Variants in CACNA1C observed in about 807,000 individuals in gnomAD.
The protein encoded by CACNA1C is calcium voltage-gated channel subunit alpha1 C, also known as voltage-dependent L-type calcium channel subunit alpha-1C.
A neutral mutation model predicts 229.0 loss-of-function variants in CACNA1C; 30 were observed. The ratio of observed to expected loss-of-function variants is 0.13; its 90% confidence interval spans 0.10 to 0.18. The LOEUF (loss-of-function observed/expected upper bound fraction) is 0.18. Among genes scored for constraint, CACNA1C ranks in the 10% least tolerant of loss-of-function variants. CACNA1C has a pLI of 1.00. For missense variants in CACNA1C, 1,658 were observed against 2,845.0 expected (o/e 0.58, Z 9.49); for synonymous variants, 1,114 against 1,132.5 (o/e 0.98, Z 0.33).
chr12:2,234,714 T>C (rs1300329439), intron 3 of CACNA1C, among the ~76,000 whole-genome samples: 4 of 152,140 alleles, frequency 2.6e-5, no homozygotes, highest in Non-Finnish European at 4.4e-5. Flanking sequence ...CAGCCTCGTA[T>C]GTCCCATCCT....
chr12:2,677,710 A>T lies in CACNA1C; in HGVS notation c.4957-23A>T. ...TTGGAGGAAAGGGAGCGTGGTCCTC[A>T]CCATCCTCCCCTTGGATTCCAGGCT... is the stretch of plus-strand genomic sequence containing the variant. On this transcript the variant is annotated intron_variant, in intron 40 of 46. Coordinates refer to ENST00000399655, the MANE Select transcript of CACNA1C (RefSeq NM_000719.7). The surrounding 1 kb of genome is among the most constrained non-coding windows in gnomAD (Gnocchi z 7.4). The T allele has an allele frequency of 6.2e-7, 1 of 1,608,624 alleles. No individual in the cohort carries two copies. Among genetic ancestry groups the T allele is most frequent in the African/African-American group, 1.3e-5 (1 of 74,850 alleles).
intron 29 of CACNA1C, among the ~76,000 whole-genome samples, chr12:2,623,837 C>A (rs2084753147): frequency 1.3e-5 from 2 of 152,206 alleles, no homozygotes; most frequent in African/African-American, 4.8e-5. Flanking sequence ...AAGGACACCC[C>A]CTTCAGTTCT....
At chr12:2,216,435 G>A (rs1278586380) in intron 3 of CACNA1C, among the ~76,000 whole-genome samples, 1 of 152,208 alleles carries the variant, frequency 6.6e-6, no homozygotes, top group African/African-American at 2.4e-5. Flanking sequence ...AGGTAAGGCC[G>A]TGGAGCGAAT....
At chr12:2,550,677 C>A in intron 10 of CACNA1C, 2 of 1,340,374 alleles carry the variant, frequency 1.5e-6, no homozygotes, top group South Asian at 2.3e-5. Flanking sequence ...CAATGCATTT[C>A]TGAATTGCTC....
intron 3 of CACNA1C, among the ~76,000 whole-genome samples, chr12:2,204,002 A>G (rs1470832497): frequency 6.6e-6 from 1 of 152,208 alleles, no homozygotes; most frequent in Non-Finnish European, 1.5e-5. Flanking sequence ...CAACAATGTG[A>G]TGAGTTAGGA....
At chr12:2,297,466 A>T (rs2094151776) in intron 3 of CACNA1C, among the ~76,000 whole-genome samples, 2 of 152,224 alleles carry the variant, frequency 1.3e-5, no homozygotes, top group African/African-American at 4.8e-5. Context: ...ATTTGTCAAG[A>T]GACAATGGGT....
intron 3 of CACNA1C, among the ~76,000 whole-genome samples, chr12:2,233,433 A>G (rs1388585071): frequency 1.3e-5 from 2 of 152,128 alleles, no homozygotes; most frequent in African/African-American, 4.8e-5. Flanking sequence ...ACAAGTTTAT[A>G]CTATAGTTTC....
At chr12:2,681,870 G>A (rs1263884069) in intron 42 of CACNA1C, 3 of 814,572 alleles carry the variant, frequency 3.7e-6, no homozygotes, top group Non-Finnish European at 6.5e-6. Context: ...AAGACAAAGG[G>A]AGGCACTGAG....
At chr12:2,125,303 A>G (rs1224838165) in intron 3 of CACNA1C, among the ~76,000 whole-genome samples, 1 of 152,120 alleles carries the variant, frequency 6.6e-6, no homozygotes, top group Non-Finnish European at 1.5e-5. Context: ...GCTTAGGGCC[A>G]AAAGTACGAG....
rs776360988 is a variant in CACNA1C, at chr12:2,137,169, C to T, written c.477+16739C>T. On this transcript the variant is annotated intron_variant, in intron 3 of 46. Transcript: ENST00000399655. ...GAGACGTGGAAACATCGAAGAGCTA[C>T]GGCCTGAACACCAGGATGTGGGATG... Among the ~76,000 whole-genome samples, 8 of 151,340 alleles carry T rather than the reference C, an allele frequency of 5.3e-5. No homozygotes were observed. The South Asian group carries it at 6.3e-4, about 12-fold the overall frequency.
chr12:2,661,368 A>C (rs1458274318), intron 34 of CACNA1C, among the ~76,000 whole-genome samples: 1 of 152,146 alleles, frequency 6.6e-6, no homozygotes, highest in Non-Finnish European at 1.5e-5. Flanking sequence ...AAAAGAAGAC[A>C]GAGAACATCA....
At chr12:2,669,116 T>G in intron 38 of CACNA1C, 81 bp downstream of exon 38, 1 of 989,354 alleles carries the variant, frequency 1.0e-6, no homozygotes, top group Non-Finnish European at 1.6e-6. Flanking sequence ...GCCTGCAAAG[T>G]GCTCAAGGGA....
chr12:2,103,975 C>T (rs2077307784), intron 1 of CACNA1C, among the ~76,000 whole-genome samples: 1 of 152,288 alleles, frequency 6.6e-6, no homozygotes, highest in East Asian at 1.9e-4. Context: ...GTTTTGGTTA[C>T]TGTAGCCTTG....
chr12:2,156,752 C>T (rs759015623), intron 3 of CACNA1C, among the ~76,000 whole-genome samples: 74 of 152,294 alleles, frequency 4.9e-4, no homozygotes, highest in Middle Eastern at 3.4e-3. Flanking sequence ...GCTAAGCCAT[C>T]GGGGATGAGG....
chr12:2,650,778 C>A (rs1485480327), intron 31 of CACNA1C, among the ~76,000 whole-genome samples: 1 of 152,202 alleles, frequency 6.6e-6, no homozygotes, highest in East Asian at 1.9e-4. Flanking sequence ...CACCCTTCCT[C>A]CCCTTCACCT....
At chr12:2,212,657 C>G (rs555480257) in intron 3 of CACNA1C, among the ~76,000 whole-genome samples, 3 of 152,152 alleles carry the variant, frequency 2.0e-5, no homozygotes, top group Non-Finnish European at 4.4e-5. Flanking sequence ...ACTGTTTTAT[C>G]TAGAATGTTG....
rs147277232 is a variant in CACNA1C, at chr12:2,435,475, C to T, written c.478-13501C>T. 5.8e-3 allele frequency among the ~76,000 whole-genome samples: 880 copies of T among 152,306 alleles called. 10 individuals carry two copies. Among genetic ancestry groups the T allele is most frequent in the Middle Eastern group, 0.02 (6 of 294 alleles). On this transcript the variant is annotated intron_variant, in intron 3 of 46. Transcript: ENST00000399655. ...CTCAGGGTGGGCCCTCGGCACAGGC[C>T]GTCCGTGTTGAGGATACTAAGGTGT...
Position 2,311,012 on chromosome 12 carries a change from T to C in CACNA1C, c.478-137964T>C, listed in dbSNP as rs145513512. 6.7e-3 allele frequency among the ~76,000 whole-genome samples: 1,014 copies of C among 152,328 alleles called. 10 individuals carry two copies. Among genetic ancestry groups the C allele is most frequent in the Non-Finnish European group, 8.4e-3 (569 of 68,020 alleles). On this transcript the variant is annotated intron_variant, in intron 3 of 46. Transcript: ENST00000399655. ...CATCCGTGTAGCATCTCTTCTTCTC[T>C]AAACCCTCATCCTAGGCTTTCTTTC...
chr12:2,004,275 C>T (rs1259647750), intron 1 of CACNA1C: 2 of 1,612,890 alleles, frequency 1.2e-6, no homozygotes, highest in African/African-American at 2.7e-5. Flanking sequence ...GCCGCGTCCG[C>T]ACGCACCCAC....
Sources: gnomAD v4.1 joint callset for allele counts (sites outside exome capture counted in the v4.1 genomes callset) on GRCh38, gnomAD v4.1.1 for gene constraint, Gnocchi (gnomAD v3.1) non-coding constraint, MANE v1.5 for transcripts, NCBI Gene and HGNC (gene_info 2026-07-23, HGNC 2026-07-21) for gene names.